TNIK: variants seen among roughly 807,000 people sequenced by gnomAD.
TNIK encodes the protein TRAF2 and NCK-interacting protein kinase.
A neutral mutation model predicts 191.3 loss-of-function variants in TNIK; 49 were observed. The ratio of observed to expected loss-of-function variants is 0.26; its 90% confidence interval spans 0.20 to 0.32. The LOEUF (loss-of-function observed/expected upper bound fraction) is 0.32, where lower values mean the gene tolerates loss of function less well. TNIK is among the 10% of genes least tolerant of loss of function. The pLI, the probability that TNIK is intolerant of heterozygous loss-of-function variation, is 1.00. For synonymous variants in TNIK, 594 were observed against 600.9 expected, an observed-to-expected ratio of 0.99 and a Z score of 0.17; for missense variants, 1,155 against 1,702.3, an observed-to-expected ratio of 0.68 and a Z score of 5.66.
chr3:171,176,919 T>G (rs938556262), intron 8 of TNIK, among the ~76,000 whole-genome samples: 1 of 152,204 alleles, frequency 6.6e-6, no homozygotes, highest in Non-Finnish European at 1.5e-5. Context: ...TTAAGAGGAG[T>G]GATAGCCATT....
chr3:171,225,656 G>A, intron 3 of TNIK: 1 of 455,292 alleles, frequency 2.2e-6, no homozygotes, highest in Non-Finnish European at 4.4e-6. Context: ...GAAAATACAT[G>A]TTCTGGGAAA....
chr3:171,139,701 A>G, intron 13 of TNIK, 145 bp from the exon 14 acceptor site: 1 of 697,164 alleles, frequency 1.4e-6, no homozygotes, highest in Admixed American at 2.6e-5. Flanking sequence ...CAAAGCAGGA[A>G]GAGTATGTCA....
chr3:171,222,289 A>G (rs1577165601), intron 3 of TNIK, among the ~76,000 whole-genome samples: 1 of 152,190 alleles, frequency 6.6e-6, no homozygotes, highest in Middle Eastern at 3.4e-3. Context: ...TTTACTATCC[A>G]TGAGGCTTGG....
At chr3:171,232,872 T>G (rs61792435) in intron 2 of TNIK, among the ~76,000 whole-genome samples, 5,278 of 152,294 alleles carry the variant, frequency 0.035, 117 homozygotes, top group South Asian at 0.086. Flanking sequence ...CCCTACTCCT[T>G]CAACTCCTCC....
intron 9 of TNIK, among the ~76,000 whole-genome samples, chr3:171,174,562 C>T (rs1221888531): frequency 1.3e-5 from 2 of 152,210 alleles, no homozygotes; most frequent in Non-Finnish European, 2.9e-5. Context: ...CATCCAACAT[C>T]TGGCTTAACC....
intron 12 of TNIK, among the ~76,000 whole-genome samples, chr3:171,141,792 C>T (rs908718891): frequency 1.3e-5 from 2 of 152,148 alleles, no homozygotes; most frequent in Non-Finnish European, 2.9e-5. Flanking sequence ...TCTTTTTCCT[C>T]ATATATGAAG....
At chr3:171,439,363 GA>G (rs1246584614) in intron 1 of TNIK, among the ~76,000 whole-genome samples, 8 of 150,008 alleles carry the variant, frequency 5.3e-5, no homozygotes, top group Admixed American at 5.3e-4. Context: ...AAAAGAAAAA[GA>G]AAAAAAATTG....
At chr3:171,353,407 G>C (rs563790163) in intron 2 of TNIK, among the ~76,000 whole-genome samples, 1 of 152,282 alleles carries the variant, frequency 6.6e-6, no homozygotes, top group South Asian at 2.1e-4. Flanking sequence ...AGCAGTAAGT[G>C]CTTACTTTAT....
At chr3:171,198,247 A>G (rs1738955287) in intron 4 of TNIK, among the ~76,000 whole-genome samples, 1 of 142,410 alleles carries the variant, frequency 7.0e-6, no homozygotes. Context: ...TGGGTGACAG[A>G]GCCAGACTCC....
chr3:171,341,099 AAG>A (rs992713349), intron 2 of TNIK, among the ~76,000 whole-genome samples: 8 of 152,204 alleles, frequency 5.3e-5, no homozygotes, highest in Admixed American at 1.3e-4. Flanking sequence ...ATGGGACAAA[AAG>A]AGTCAATTTA....
chr3:171,340,992 T>C (rs1395119436), intron 2 of TNIK, among the ~76,000 whole-genome samples: 2 of 152,060 alleles, frequency 1.3e-5, no homozygotes, highest in Non-Finnish European at 2.9e-5. Flanking sequence ...AAGAGAGCTA[T>C]TGGAGAGGTA....
chr3:171,335,580 G>A (rs544356378), intron 2 of TNIK, among the ~76,000 whole-genome samples: 2 of 152,302 alleles, frequency 1.3e-5, no homozygotes, highest in South Asian at 4.1e-4. Context: ...ATTCATTCAT[G>A]CTGTTGCATG....
In TNIK at chr3:171,063,214, A is replaced by G. The variant is rs1349844167; in HGVS notation, c.*667T>C. 1.3e-5 allele frequency: 2 copies of G among 152,226 alleles called. No homozygotes were observed. The highest frequency in any genetic ancestry group is 2.9e-5 in the Non-Finnish European group (2 of 68,030). 9.4% of individuals were successfully genotyped at this position (152,226 alleles called of 1,614,324 possible). A position where few individuals can be genotyped will look rare whatever the true frequency, so the allele number is the denominator to read the frequency against. On this transcript the variant is annotated 3_prime_UTR_variant, in exon 33 of 33. Transcript: ENST00000436636. The stretch of plus-strand genomic sequence containing the variant: ...TTAGACTAGTAGTTTTAAGGCTAGT[A>G]GTTTAGCCATTTAAAATCTATTTCC...
chr3:171,066,160 C>G (rs752145345), intron 32 of TNIK, 27 bp downstream of exon 32: 5 of 1,610,266 alleles, frequency 3.1e-6, no homozygotes, highest in South Asian at 1.1e-5. Context: ...AATGCAAACA[C>G]TAATGCAAAT....
chr3:171,401,634 CTT>C (rs1244779398), intron 1 of TNIK, among the ~76,000 whole-genome samples: 2 of 152,056 alleles, frequency 1.3e-5, no homozygotes, highest in African/African-American at 4.8e-5. Context: ...AGGGGCAACA[CTT>C]TATCAAATGT....
chr3:171,416,755 G>T (rs2108618491), intron 1 of TNIK, among the ~76,000 whole-genome samples: 1 of 152,198 alleles, frequency 6.6e-6, no homozygotes, highest in Non-Finnish European at 1.5e-5. Flanking sequence ...GAGGAGACAG[G>T]CTTTATAAAT....
intron 1 of TNIK, among the ~76,000 whole-genome samples, chr3:171,380,316 T>C (rs542968244): frequency 1.3e-5 from 2 of 152,336 alleles, no homozygotes; most frequent in East Asian, 3.9e-4. Context: ...CCTTTTGCCT[T>C]TTTGAAGATA....
chr3:171,434,444 CTTAT>C (rs72027292), intron 1 of TNIK, among the ~76,000 whole-genome samples: 96,633 of 149,144 alleles, frequency 0.65, 32,392 homozygotes, highest in African/African-American at 0.79. Flanking sequence ...CTCTTTTTTA[CTTAT>C]TTATTTATTT....
At chr3:171,080,357 T>C (rs149697243) in intron 27 of TNIK, among the ~76,000 whole-genome samples, 1 of 152,338 alleles carries the variant, frequency 6.6e-6, no homozygotes, top group East Asian at 1.9e-4. Context: ...TAACTAATGA[T>C]AAATTTAGCT....
Sources: allele counts gnomAD v4.1 joint callset (sites outside exome capture counted in the v4.1 genomes callset), GRCh38; gene constraint gnomAD v4.1.1; transcripts MANE v1.5; gene names NCBI Gene and HGNC (gene_info 2026-07-23, HGNC 2026-07-21).